Variants in GOLPH3L observed in about 807,000 individuals in gnomAD.
GOLPH3L encodes the protein golgi phosphoprotein 3 like.
In GOLPH3L, 22 loss-of-function variants were observed where a neutral mutation model predicts 30.3. That is an observed-to-expected ratio of 0.73 (90% CI 0.52 to 1.04). The LOEUF (loss-of-function observed/expected upper bound fraction) is 1.04. GOLPH3L is among the 50% of genes least tolerant of loss of function. The pLI is 0.00. For synonymous variants in GOLPH3L, 120 were observed against 128.2 expected, an observed-to-expected ratio of 0.94 and a Z score of 0.43; for missense variants, 303 against 345.8, an observed-to-expected ratio of 0.88 and a Z score of 0.98.
chr1:150,681,282 G>A lies in GOLPH3L; in HGVS notation c.183+13374C>T, dbSNP rs1650940849. ...CATATAGCTGATAAGTGGTAGAACCGGGATTTGAATGTAGATGTGTCTGAT... is the reference window on the plus strand; with the variant it reads ...CATATAGCTGATAAGTGGTAGAACCAGGATTTGAATGTAGATGTGTCTGAT... On this transcript the variant is annotated intron_variant, in intron 2 of 4. Transcript: ENST00000271732. Among the ~76,000 whole-genome samples, 4 of 152,156 alleles carry A rather than the reference G, an allele frequency of 2.6e-5. No individual in the cohort carries two copies. In the South Asian group the frequency reaches 8.3e-4, roughly 31 times the overall value.
At chr1:150,656,670 C>A (rs1650247628) in intron 4 of GOLPH3L, among the ~76,000 whole-genome samples, 1 of 152,104 alleles carries the variant, frequency 6.6e-6, no homozygotes, top group Admixed American at 6.6e-5. Flanking sequence ...TGGATCAAAT[C>A]GCTACCATGA....
chr1:150,663,581 G>A, intron 3 of GOLPH3L, 51 bp downstream of exon 3: 1 of 1,509,338 alleles, frequency 6.6e-7, no homozygotes, highest in Non-Finnish European at 9.0e-7. Flanking sequence ...CAAATGTACT[G>A]TTGGTATTTG....
intron 4 of GOLPH3L, among the ~76,000 whole-genome samples, chr1:150,659,031 G>C (rs1480045328): frequency 6.6e-6 from 1 of 152,322 alleles, no homozygotes; most frequent in East Asian, 1.9e-4. Flanking sequence ...GCTGCAGACA[G>C]ATTAACAGCT....
chr1:150,663,600 T>C lies in GOLPH3L; in HGVS notation c.315+32A>G, dbSNP rs780824642. 7 of 1,573,544 alleles carry C rather than the reference T, an allele frequency of 4.4e-6. No homozygotes were observed. In the African/African-American group the frequency reaches 5.4e-5, roughly 12 times the overall value. On this transcript the variant is annotated intron_variant, in intron 3 of 4. Transcript: ENST00000271732. ...TGTACTGTTGGTATTTGCCTTTCCA[T>C]AAGCCATGGACGTTCACAGAGGATT...
intron 4 of GOLPH3L, among the ~76,000 whole-genome samples, chr1:150,659,493 T>C (rs1302881660): frequency 6.6e-6 from 1 of 152,234 alleles, no homozygotes; most frequent in Non-Finnish European, 1.5e-5. Flanking sequence ...GCCCGTCCCT[T>C]TATTTCGGCC....
intron 4 of GOLPH3L, among the ~76,000 whole-genome samples, chr1:150,656,271 T>A (rs1190910051): frequency 6.6e-6 from 1 of 152,186 alleles, no homozygotes; most frequent in Non-Finnish European, 1.5e-5. Flanking sequence ...CCTTAGTAAA[T>A]GACACTACCA....
At chr1:150,685,664 G>A (rs900172260) in intron 2 of GOLPH3L, among the ~76,000 whole-genome samples, 1 of 151,992 alleles carries the variant, frequency 6.6e-6, no homozygotes, top group African/African-American at 2.4e-5. Context: ...GCAGTGGGTT[G>A]AGATCGCACC....
At chr1:150,675,667 T>C (rs1244913344) in intron 2 of GOLPH3L, among the ~76,000 whole-genome samples, 4 of 150,582 alleles carry the variant, frequency 2.7e-5, no homozygotes, top group African/African-American at 9.8e-5. Flanking sequence ...TCCCAGCTAC[T>C]TGGGAGGCTG....
rs985561674 is a variant in GOLPH3L at position 150,648,192 on chromosome 1, C to T, written c.*129G>A. 10 of 685,792 alleles carry T rather than the reference C, an allele frequency of 1.5e-5. No homozygotes were observed. The highest frequency in any genetic ancestry group is 2.4e-5 in the Non-Finnish European group (10 of 411,098). 42.5% of individuals were successfully genotyped at this position (685,792 alleles called of 1,614,324 possible). On this transcript the variant is annotated 3_prime_UTR_variant, in exon 5 of 5. Transcript: ENST00000271732. ...TGGAGAAGCCCTGAAGTTGCTCTCC[C>T]CAAATCACAAGTCTGATTCAAGAAA...
At chr1:150,661,782 T>G (rs778158724) in intron 4 of GOLPH3L, 32 bp downstream of exon 4, 1 of 943,280 alleles carries the variant, frequency 1.1e-6, no homozygotes, top group East Asian at 2.4e-5. Flanking sequence ...TAACAAAGTG[T>G]GAAATTCATA....
Position 150,648,530 on chromosome 1 carries a change from G to A in GOLPH3L, c.649C>T (p.Arg217Cys), listed in dbSNP as rs764044596. ...VLERWVNDPQ[R>C]MDKRTLALLV... ...AGTGCTAGTGTTCGCTTGTCCATAC[G>A]CTGAGGGTCATTTACCCACCGCTCT... Residue 217 changes from arginine to cysteine, a missense_variant, in exon 5 of 5, where the codon CGT becomes TGT. Transcript: ENST00000271732. 17 of 1,613,490 alleles carry A rather than the reference G, an allele frequency of 1.1e-5. No homozygotes were observed. Among genetic ancestry groups the A allele is most frequent in the Middle Eastern group, 1.6e-4 (1 of 6,082 alleles).
intron 2 of GOLPH3L, among the ~76,000 whole-genome samples, chr1:150,670,105 T>C (rs1650607540): frequency 6.7e-6 from 1 of 149,556 alleles, no homozygotes; most frequent in African/African-American, 2.5e-5. Context: ...TACTAAAAAA[T>C]ATAAAAATTG....
At chr1:150,658,307 T>C (rs1171469024) in intron 4 of GOLPH3L, among the ~76,000 whole-genome samples, 4 of 152,210 alleles carry the variant, frequency 2.6e-5, no homozygotes, top group African/African-American at 9.7e-5. Context: ...AGTAATTTAA[T>C]GGTAGCTATG....
Position 150,668,300 on chromosome 1 carries a change from G to A in GOLPH3L, c.184-4537C>T, listed in dbSNP as rs922568628. On this transcript the variant is annotated intron_variant, in intron 2 of 4. Coordinates refer to ENST00000271732, the MANE Select transcript of GOLPH3L (RefSeq NM_018178.6). ...TTCCTTAGACATCTCCAAATTTCCT[G>A]AGGGTCTGATCTTTGACTCAAGGTT... is the stretch of plus-strand genomic sequence containing the variant. Among the ~76,000 whole-genome samples the A allele has an allele frequency of 3.2e-4, 49 of 152,180 alleles. 1 individual carries two copies. Among genetic ancestry groups the A allele is most frequent in the Non-Finnish European group, 4.4e-5 (3 of 68,030 alleles).
intron 4 of GOLPH3L, among the ~76,000 whole-genome samples, chr1:150,660,887 C>T (rs1192052894): frequency 6.6e-6 from 1 of 152,088 alleles, no homozygotes; most frequent in Non-Finnish European, 1.5e-5. Flanking sequence ...CAAAATATTG[C>T]AAATATATTT....
chr1:150,687,599 T>C (rs1651117543), intron 2 of GOLPH3L, among the ~76,000 whole-genome samples: 1 of 152,008 alleles, frequency 6.6e-6, no homozygotes, highest in Admixed American at 6.6e-5. Flanking sequence ...AAAAAAACTT[T>C]TTGATTAGTG....
intron 2 of GOLPH3L, among the ~76,000 whole-genome samples, chr1:150,693,842 T>TAC (rs1651273497): frequency 9.2e-5 from 8 of 86,678 alleles, no homozygotes; most frequent in African/African-American, 3.3e-4. Context: ...TATATATATA[T>TAC]ATATATTTTT....
chr1:150,673,552 C>G lies in GOLPH3L; in HGVS notation c.184-9789G>C, dbSNP rs1458237675. 2.0e-5 allele frequency among the ~76,000 whole-genome samples: 3 copies of G among 149,344 alleles called. No homozygotes were observed. The Admixed American group carries it at 2.0e-4, about 10-fold the overall frequency. The stretch of plus-strand genomic sequence containing the variant: ...CTGCACTCCAGCCCGGGTGACAGTG[C>G]AAGACTCCGTCTCAAAAAAACAAAA... On this transcript the variant is annotated intron_variant, in intron 2 of 4. Transcript: ENST00000271732.
chr1:150,665,069 ATAT>A (rs1477003844), intron 2 of GOLPH3L, among the ~76,000 whole-genome samples: 20 of 152,258 alleles, frequency 1.3e-4, no homozygotes, highest in African/African-American at 4.8e-4. Flanking sequence ...AATACTTATT[ATAT>A]ACTAGATATG....
Sources: gnomAD v4.1 joint callset for allele counts (sites outside exome capture counted in the v4.1 genomes callset) on GRCh38, gnomAD v4.1.1 for gene constraint, MANE v1.5 for transcripts, NCBI Gene and HGNC (gene_info 2026-07-23, HGNC 2026-07-21) for gene names.